WWOX: variants seen among roughly 807,000 people sequenced by gnomAD.
WWOX encodes WW domain containing oxidoreductase, also known as WW domain-containing oxidoreductase.
A neutral mutation model predicts 46.2 loss-of-function variants in WWOX; 69 were observed. That is an observed-to-expected ratio of 1.49 (90% CI 1.23 to 1.82). WWOX has a LOEUF of 1.82. WWOX is among the 40% of genes most tolerant of loss of function. The pLI is 0.00. For synonymous variants in WWOX, 359 were observed against 202.6 expected (o/e 1.77, Z -6.56); for missense variants, 919 against 542.6 (o/e 1.69, Z -6.89).
At chr16:78,529,263 T>A (rs2043560785) in intron 8 of WWOX, among the ~76,000 whole-genome samples, 1 of 152,134 alleles carries the variant, frequency 6.6e-6, no homozygotes, top group Admixed American at 6.5e-5. Flanking sequence ...CCAAGAACTT[T>A]CTATTATATA....
intron 8 of WWOX, among the ~76,000 whole-genome samples, chr16:79,153,831 A>G (rs1373955965): frequency 6.6e-6 from 1 of 152,048 alleles, no homozygotes; most frequent in Non-Finnish European, 1.5e-5. Context: ...ATCTCTTCAA[A>G]TAAGAACAGG....
At chr16:78,512,178 A>C (rs1169483834) in intron 8 of WWOX, among the ~76,000 whole-genome samples, 2 of 152,204 alleles carry the variant, frequency 1.3e-5, no homozygotes, top group East Asian at 3.9e-4. Context: ...GTTTCCTCAG[A>C]ATGGTGTATT....
At chr16:78,148,030 T>C (rs185991213) in intron 4 of WWOX, among the ~76,000 whole-genome samples, 46 of 151,808 alleles carry the variant, frequency 3.0e-4, no homozygotes, top group African/African-American at 9.7e-4. Context: ...CGAGAAAGAG[T>C]AACGGAGGCC....
chr16:78,867,823 T>G (rs2044039438), intron 8 of WWOX, among the ~76,000 whole-genome samples: 1 of 152,144 alleles, frequency 6.6e-6, no homozygotes, highest in Non-Finnish European at 1.5e-5. Flanking sequence ...CACTGTAAAA[T>G]GAATTCTAGC....
chr16:79,186,896 T>A lies in WWOX; in HGVS notation c.1057-24712T>A, dbSNP rs1218652341. Among the ~76,000 whole-genome samples the A allele has an allele frequency of 2.0e-5, 3 of 152,208 alleles. No homozygotes were observed. The South Asian group carries it at 6.2e-4, about 31-fold the overall frequency. On this transcript the variant is annotated intron_variant, in intron 8 of 8. Coordinates refer to ENST00000566780, the MANE Select transcript of WWOX (RefSeq NM_016373.4). Reference sequence around the variant, plus strand: ...TTCAACATATTGGTTTTTCACCACATGCTCACTGCAGTGAATGTTCACTCC... The same window carrying A: ...TTCAACATATTGGTTTTTCACCACAAGCTCACTGCAGTGAATGTTCACTCC...
chr16:79,188,053 T>C (rs557026186), intron 8 of WWOX, among the ~76,000 whole-genome samples: 4 of 152,230 alleles, frequency 2.6e-5, no homozygotes, highest in Non-Finnish European at 5.9e-5. Flanking sequence ...TGGGTAGTTA[T>C]GCTCTTTTCT....
chr16:78,577,633 G>A (rs914894745), intron 8 of WWOX, among the ~76,000 whole-genome samples: 37 of 152,096 alleles, frequency 2.4e-4, no homozygotes, highest in African/African-American at 8.7e-4. Context: ...TATTTAAATG[G>A]GGATGATTAC....
intron 8 of WWOX, among the ~76,000 whole-genome samples, chr16:78,456,899 C>T (rs1332830779): frequency 2.6e-5 from 4 of 152,182 alleles, no homozygotes; most frequent in African/African-American, 9.7e-5. Flanking sequence ...AATTAGTTCA[C>T]GTGGCGTTGG....
rs538681646 is a variant in WWOX, at chr16:79,067,533, A to G, written c.1057-144075A>G. 4.7e-5 allele frequency among the ~76,000 whole-genome samples: 7 copies of G among 148,400 alleles called. No individual in the cohort carries two copies. In the East Asian group the frequency reaches 1.2e-3, roughly 26 times the overall value. ...GTGTCTGCCCGGACATCTCCTCACT[A>G]GAGACCTTCCCTGACCACTGCCACA... On this transcript the variant is annotated intron_variant, in intron 8 of 8. Transcript: ENST00000566780.
At chr16:78,963,087 A>G (rs527500554) in intron 8 of WWOX, among the ~76,000 whole-genome samples, 3 of 152,154 alleles carry the variant, frequency 2.0e-5, no homozygotes, top group Non-Finnish European at 4.4e-5. Context: ...CACCACCTAG[A>G]TTCTACAATT....
chr16:78,218,893 G>A (rs1012999752), intron 5 of WWOX, among the ~76,000 whole-genome samples: 7 of 152,238 alleles, frequency 4.6e-5, no homozygotes, highest in African/African-American at 1.7e-4. Context: ...AGATACAGAT[G>A]TCTGGCCATA....
At chr16:78,496,286 C>G (rs2084916637) in intron 8 of WWOX, 1 of 152,222 alleles carries the variant, frequency 6.6e-6, no homozygotes, top group African/African-American at 2.4e-5. Flanking sequence ...TTAAAAAAAT[C>G]AAGCATATGT....
chr16:79,058,946 A>T (rs912487859), intron 8 of WWOX, among the ~76,000 whole-genome samples: 1 of 152,232 alleles, frequency 6.6e-6, no homozygotes, highest in Non-Finnish European at 1.5e-5. Flanking sequence ...AGATCAGTAA[A>T]GGTAACACAT....
intron 5 of WWOX, among the ~76,000 whole-genome samples, chr16:78,201,901 A>G (rs991712349): frequency 2.0e-5 from 3 of 151,884 alleles, no homozygotes; most frequent in Admixed American, 6.6e-5. Flanking sequence ...GGATTTTGCT[A>G]TGTTGCCCAG....
At chr16:79,123,798 C>A (rs1212552460) in intron 8 of WWOX, among the ~76,000 whole-genome samples, 1 of 152,030 alleles carries the variant, frequency 6.6e-6, no homozygotes, top group Non-Finnish European at 1.5e-5. Flanking sequence ...TTCTTGAATC[C>A]CAGGACAATT....
At chr16:78,821,969 C>T (rs1039925341) in intron 8 of WWOX, among the ~76,000 whole-genome samples, 2 of 152,120 alleles carry the variant, frequency 1.3e-5, no homozygotes, top group African/African-American at 4.8e-5. Context: ...CTCGACCTAC[C>T]AGGCTCAAGC....
At chr16:78,748,384 C>G (rs1273526391) in intron 8 of WWOX, among the ~76,000 whole-genome samples, 2 of 152,216 alleles carry the variant, frequency 1.3e-5, no homozygotes, top group African/African-American at 4.8e-5. Flanking sequence ...TCACTCATTT[C>G]TATCTGCAGT....
At chr16:78,193,765 T>G (rs1367290987) in intron 5 of WWOX, among the ~76,000 whole-genome samples, 1 of 152,048 alleles carries the variant, frequency 6.6e-6, no homozygotes, top group East Asian at 1.9e-4. Context: ...TTTGAATTGT[T>G]GGAGGGTGGA....
chr16:79,040,646 T>G (rs938957910), intron 8 of WWOX, among the ~76,000 whole-genome samples: 1 of 152,148 alleles, frequency 6.6e-6, no homozygotes, highest in Non-Finnish European at 1.5e-5. Context: ...CAGATCAGTT[T>G]TGCTTTAGTT....
Sources: gnomAD v4.1 joint callset for allele counts (sites outside exome capture counted in the v4.1 genomes callset) on GRCh38, gnomAD v4.1.1 for gene constraint, MANE v1.5 for transcripts, NCBI Gene and HGNC (gene_info 2026-07-23, HGNC 2026-07-21) for gene names.